ANOS1: variants seen among roughly 807,000 people sequenced by gnomAD.
The protein encoded by ANOS1 is anosmin-1.
ANOS1 carries 6 observed loss-of-function variants against 59.0 expected under a neutral mutation model. The observed-to-expected ratio is 0.10, with a 90% CI of 0.06 to 0.20. The LOEUF is 0.20. Ranked by LOEUF, ANOS1 falls within the 10% of genes least tolerant of loss-of-function variation. The pLI is 1.00. For missense variants in ANOS1, 433 were observed against 542.3 expected, an observed-to-expected ratio of 0.80 and a Z score of 2.00; for synonymous variants, 217 against 223.4, an observed-to-expected ratio of 0.97 and a Z score of 0.25.
intron 6 of ANOS1, among the ~76,000 whole-genome samples, chrX:8,583,123 T>C (rs997395791): frequency 4.6e-5 from 2 of 43,335 alleles, no homozygotes; most frequent in Admixed American, 4.7e-4. Flanking sequence ...GCTTTTGGCC[T>C]TTTTTTTTTT....
At chrX:8,570,431 C>G in intron 7 of ANOS1, 68 bp downstream of exon 7, 1 of 952,462 alleles carries the variant, frequency 1.0e-6, no homozygotes, top group South Asian at 2.0e-5. Context: ...GGCCTCTTTT[C>G]AGGCCAGTTG....
intron 2 of ANOS1, among the ~76,000 whole-genome samples, chrX:8,666,982 C>T (rs994470093): frequency 9.0e-6 from 1 of 111,662 alleles, no homozygotes; most frequent in African/African-American, 3.3e-5. Flanking sequence ...AGAAAATATA[C>T]CCTGCTCTAG....
intron 1 of ANOS1, among the ~76,000 whole-genome samples, chrX:8,707,792 G>A (rs1932788174): frequency 8.9e-6 from 1 of 112,204 alleles, no homozygotes; most frequent in Non-Finnish European, 1.9e-5. Context: ...AGGGGAGGCA[G>A]ATCCTGAAAC....
rs1448056605 is a variant in ANOS1 at position 8,720,334 on chromosome X, C to T, written c.207+11496G>A. On this transcript the variant is annotated intron_variant, in intron 1 of 13. Transcript: ENST00000262648. Reference sequence around the variant, plus strand: ...AGGCAGCAAACATCCCCTGTGATGTCGAGGACTCCAGCTGCTTGGAACGCT... The same window carrying T: ...AGGCAGCAAACATCCCCTGTGATGTTGAGGACTCCAGCTGCTTGGAACGCT... Among the ~76,000 whole-genome samples the T allele has an allele frequency of 5.4e-5, 6 of 111,217 alleles. No homozygotes were observed. The East Asian group carries it at 1.1e-3, about 21-fold the overall frequency.
chrX:8,723,575 G>A (rs1040778393), intron 1 of ANOS1, among the ~76,000 whole-genome samples: 2 of 112,184 alleles, frequency 1.8e-5, no homozygotes, highest in African/African-American at 6.5e-5. Flanking sequence ...ATCTACAAAT[G>A]CTACATTTGT....
chrX:8,629,412 TAAA>T (rs1218094925), intron 2 of ANOS1, among the ~76,000 whole-genome samples: 1 of 111,536 alleles, frequency 9.0e-6, no homozygotes, highest in Non-Finnish European at 1.9e-5. Context: ...TTTTCCATGA[TAAA>T]GCACTTTATG....
At chrX:8,599,304 G>A (rs1418311724) in intron 3 of ANOS1, among the ~76,000 whole-genome samples, 1 of 111,823 alleles carries the variant, frequency 8.9e-6, no homozygotes, top group African/African-American at 3.2e-5. Flanking sequence ...ACAGGGTTAG[G>A]AATATAAGAA....
chrX:8,674,452 T>C lies in ANOS1; in HGVS notation c.255+25246A>G, dbSNP rs537068028. On this transcript the variant is annotated intron_variant, in intron 2 of 13. Transcript: ENST00000262648. Reference sequence around the variant, plus strand: ...GAATCACTCCTTAAAATAACAAATGTTACCCGTTGAGTGATGTGATTGCTT... The same window carrying C: ...GAATCACTCCTTAAAATAACAAATGCTACCCGTTGAGTGATGTGATTGCTT... Among the ~76,000 whole-genome samples the C allele has an allele frequency of 2.0e-4, 22 of 112,256 alleles. No homozygotes were observed. The South Asian group carries it at 8.2e-3, about 42-fold the overall frequency.
At chrX:8,541,433 C>CAAAAAAAAAAAAA (rs1329692666) in intron 9 of ANOS1, among the ~76,000 whole-genome samples, 4 of 82,235 alleles carry the variant, frequency 4.9e-5, no homozygotes, top group East Asian at 3.7e-4. Flanking sequence ...AACAAAAAAA[C>CAAAAAAAAAAAAA]AAAAAAATAA....
At chrX:8,714,526 C>T (rs1009354205) in intron 1 of ANOS1, among the ~76,000 whole-genome samples, 1 of 111,012 alleles carries the variant, frequency 9.0e-6, no homozygotes, top group African/African-American at 3.3e-5. Flanking sequence ...AAAAACGTAC[C>T]GTGCCCCAGA....
At chrX:8,533,360 T>C (rs781647665) in intron 13 of ANOS1, among the ~76,000 whole-genome samples, 55 of 112,585 alleles carry the variant, frequency 4.9e-4, no homozygotes, top group African/African-American at 1.7e-3. Flanking sequence ...GTTTAAAAAT[T>C]ATCAAATACT....
At chrX:8,689,426 G>A (rs1485069042) in intron 2 of ANOS1, among the ~76,000 whole-genome samples, 3 of 110,254 alleles carry the variant, frequency 2.7e-5, no homozygotes, top group Admixed American at 2.0e-4. Flanking sequence ...GCCGGTCTCC[G>A]TGGCTCATGC....
In ANOS1 at chrX:8,732,106, G is replaced by T. The variant is rs772916866; in HGVS notation, c.-70C>A. On this transcript the variant is annotated 5_prime_UTR_variant, in exon 1 of 14. Transcript: ENST00000262648. The stretch of plus-strand genomic sequence containing the variant: ...AGGCTCCCTGCTCCGCGCCGGGGCT[G>T]CACTGCTGAGGACCAGGCAGACGCC... The T allele has an allele frequency of 5.3e-4, 418 of 789,448 alleles. 1 individual carries two copies. Among genetic ancestry groups the T allele is most frequent in the Non-Finnish European group, 6.3e-4 (399 of 633,751 alleles). 65.1% of individuals were successfully genotyped at this position (789,448 alleles called of 1,213,427 possible). A position where few individuals can be genotyped will look rare whatever the true frequency, so the allele number is the denominator to read the frequency against.
intron 2 of ANOS1, among the ~76,000 whole-genome samples, chrX:8,664,415 A>G (rs369351213): frequency 3.6e-4 from 39 of 109,796 alleles, no homozygotes; most frequent in South Asian, 8.0e-4. Flanking sequence ...GGATGGTCTC[A>G]ATCTCCTGAC....
chrX:8,616,452 C>T (rs12848099), intron 3 of ANOS1, among the ~76,000 whole-genome samples: 64 of 111,413 alleles, frequency 5.7e-4, no homozygotes, highest in Non-Finnish European at 1.1e-3. Flanking sequence ...TTAAACAGTA[C>T]CTTCATGCAT....
At chrX:8,649,756 A>G (rs1181444988) in intron 2 of ANOS1, among the ~76,000 whole-genome samples, 1 of 111,645 alleles carries the variant, frequency 9.0e-6, no homozygotes, top group Non-Finnish European at 1.9e-5. Context: ...TGGTGCTCCA[A>G]CAAGTCCCAT....
intron 2 of ANOS1, among the ~76,000 whole-genome samples, chrX:8,654,655 A>G (rs1931902225): frequency 8.9e-6 from 1 of 111,892 alleles, no homozygotes; most frequent in South Asian, 3.8e-4. Flanking sequence ...TCCCTGTCCC[A>G]TGACTACGGC....
chrX:8,585,875 T>C (rs1251717833), intron 5 of ANOS1, among the ~76,000 whole-genome samples: 1 of 111,693 alleles, frequency 9.0e-6, no homozygotes, highest in Non-Finnish European at 1.9e-5. Context: ...TGTTTAAAAA[T>C]CTCTTGAGTA....
chrX:8,592,639 A>ATT (rs1930642001), intron 4 of ANOS1, among the ~76,000 whole-genome samples: 1 of 111,483 alleles, frequency 9.0e-6, no homozygotes, highest in Non-Finnish European at 1.9e-5. Flanking sequence ...AAGCCATAAA[A>ATT]TAGACTTAGA....
Sources: gnomAD v4.1 joint callset for allele counts (sites outside exome capture counted in the v4.1 genomes callset) on GRCh38, gnomAD v4.1.1 for gene constraint, MANE v1.5 for transcripts, NCBI Gene and HGNC (gene_info 2026-07-23, HGNC 2026-07-21) for gene names.